Variants in UPK1B observed in about 807,000 individuals in gnomAD.
UPK1B encodes uroplakin 1B, also known as uroplakin-1b.
A neutral mutation model predicts 34.2 loss-of-function variants in UPK1B; 28 were observed. The observed-to-expected ratio is 0.82, with a 90% CI of 0.61 to 1.12. The LOEUF is 1.12. Among genes scored for constraint, UPK1B ranks in the 50% most tolerant of loss-of-function variants. The pLI is 0.00. For missense variants in UPK1B, 325 were observed against 320.9 expected (o/e 1.01, Z -0.10); for synonymous variants, 81 against 110.4 (o/e 0.73, Z 1.67).
intron 1 of UPK1B, among the ~76,000 whole-genome samples, chr3:119,181,316 A>T (rs1224773061): frequency 6.6e-6 from 1 of 152,180 alleles, no homozygotes; most frequent in Non-Finnish European, 1.5e-5. Flanking sequence ...TGTATCAAAA[A>T]AATAATAATA....
chr3:119,181,303 C>T (rs1210009881), intron 1 of UPK1B, among the ~76,000 whole-genome samples: 1 of 152,022 alleles, frequency 6.6e-6, no homozygotes, highest in Non-Finnish European at 1.5e-5. Context: ...GAAAATGTTG[C>T]TCTGTATCAA....
In UPK1B at chr3:119,186,773, T is replaced by C; in HGVS notation, c.32T>C (p.Phe11Ser). The stretch of plus-strand genomic sequence containing the variant: ...AAAGACAACTCAACTGTTCGTTGCT[T>C]CCAGGGCCTGCTGATTTTTGGAAAT... MAKDNSTVRC[F>S]QGLLIFGNVI... Residue 11 changes from phenylalanine to serine, a missense_variant, in exon 2 of 8, where the codon TTC becomes TCC. Coordinates refer to ENST00000264234, the MANE Select transcript of UPK1B (RefSeq NM_006952.4). The C allele has an allele frequency of 6.2e-7, 1 of 1,614,176 alleles. No homozygotes were observed. The highest frequency in any genetic ancestry group is 8.5e-7 in the Non-Finnish European group (1 of 1,180,018).
intron 7 of UPK1B, among the ~76,000 whole-genome samples, chr3:119,203,169 C>T (rs995162133): frequency 5.3e-5 from 8 of 151,676 alleles, no homozygotes; most frequent in African/African-American, 1.2e-4. Flanking sequence ...GGTGAAACCC[C>T]GTCTCTACTA....
chr3:119,179,045 AAG>A lies in UPK1B; in HGVS notation c.-29+5418_-29+5419del, dbSNP rs1334039522. 3.3e-5 allele frequency among the ~76,000 whole-genome samples: 5 copies of A among 151,938 alleles called. 1 individual carries two copies. In the East Asian group the frequency reaches 9.6e-4, roughly 29 times the overall value. On this transcript the variant is annotated intron_variant, in intron 1 of 7. Coordinates refer to ENST00000264234, the MANE Select transcript of UPK1B (RefSeq NM_006952.4). ...AGATAGAACCAAAAGGAGATACATA[AAG>A]AGAGAGAGAGGCAACGTATGGTGGC...
intron 1 of UPK1B, among the ~76,000 whole-genome samples, chr3:119,182,038 T>C (rs1003086213): frequency 6.6e-6 from 1 of 152,228 alleles, no homozygotes; most frequent in African/African-American, 2.4e-5. Context: ...TGAGGCCCAA[T>C]GGCGAGTGTT....
At chr3:119,195,948 T>G (rs2078065367) in intron 6 of UPK1B, among the ~76,000 whole-genome samples, 1 of 152,042 alleles carries the variant, frequency 6.6e-6, no homozygotes, top group Non-Finnish European at 1.5e-5. Context: ...TTCTAACACG[T>G]TCCCTTACAG....
intron 6 of UPK1B, among the ~76,000 whole-genome samples, chr3:119,195,097 T>C (rs751668321): frequency 3.9e-5 from 6 of 152,234 alleles, no homozygotes; most frequent in Non-Finnish European, 8.8e-5. Context: ...GTAGAGATAC[T>C]AATAAATACC....
intron 1 of UPK1B, among the ~76,000 whole-genome samples, chr3:119,183,145 T>C (rs1036490501): frequency 2.0e-5 from 3 of 152,242 alleles, no homozygotes; most frequent in African/African-American, 4.8e-5. Context: ...AGCAAGACTT[T>C]ATAAACTGTA....
chr3:119,183,681 T>C (rs1177287059), intron 1 of UPK1B, among the ~76,000 whole-genome samples: 2 of 152,214 alleles, frequency 1.3e-5, no homozygotes, highest in Non-Finnish European at 2.9e-5. Context: ...TCCAGAACTG[T>C]AAGATACATT....
At chr3:119,185,948 C>G (rs1193026038) in intron 1 of UPK1B, among the ~76,000 whole-genome samples, 1 of 152,176 alleles carries the variant, frequency 6.6e-6, no homozygotes, top group Non-Finnish European at 1.5e-5. Context: ...CACGTGGACT[C>G]TGGAGTCACA....
At chr3:119,189,515 C>G (rs987052653) in intron 3 of UPK1B, among the ~76,000 whole-genome samples, 2 of 152,274 alleles carry the variant, frequency 1.3e-5, no homozygotes, top group Non-Finnish European at 2.9e-5. Flanking sequence ...AATAGCATCA[C>G]TGTCATGTGG....
chr3:119,176,380 C>A (rs1363959324), intron 1 of UPK1B, among the ~76,000 whole-genome samples: 3 of 152,116 alleles, frequency 2.0e-5, no homozygotes. Context: ...TTAGACCTTT[C>A]AATGTGTCTG....
intron 1 of UPK1B, among the ~76,000 whole-genome samples, chr3:119,175,544 C>T (rs2077953184): frequency 1.4e-5 from 2 of 147,246 alleles, no homozygotes; most frequent in African/African-American, 2.5e-5. Flanking sequence ...CCCTCCCCCC[C>T]GCCCCAAGGA....
intron 4 of UPK1B, 80 bp from the exon 5 acceptor site, chr3:119,190,900 GAA>G (rs1247635000): frequency 1.3e-6 from 2 of 1,570,826 alleles, no homozygotes; most frequent in African/African-American, 2.7e-5. Context: ...GTGTCCCCAG[GAA>G]AAGACAGAGA....
chr3:119,194,851 C>T (rs925709294), intron 6 of UPK1B, among the ~76,000 whole-genome samples: 1 of 152,166 alleles, frequency 6.6e-6, no homozygotes, highest in Non-Finnish European at 1.5e-5. Flanking sequence ...TAAAGTAGGA[C>T]AGTCTTAATA....
chr3:119,178,095 T>A (rs527765950), intron 1 of UPK1B, among the ~76,000 whole-genome samples: 1 of 116,408 alleles, frequency 8.6e-6, no homozygotes, highest in Non-Finnish European at 1.8e-5. Flanking sequence ...GTTGGGGGGG[T>A]GGGGCACGCA....
intron 1 of UPK1B, among the ~76,000 whole-genome samples, chr3:119,179,447 T>C (rs1162059013): frequency 7.6e-6 from 1 of 131,366 alleles, no homozygotes; most frequent in East Asian, 2.2e-4. Flanking sequence ...GGCTGACAAG[T>C]CCGAAATCTA....
At chr3:119,198,981 G>A in intron 6 of UPK1B, 76 bp from the exon 7 acceptor site, 1 of 1,529,454 alleles carries the variant, frequency 6.5e-7, no homozygotes, top group South Asian at 1.2e-5. Flanking sequence ...ATTCCAATAG[G>A]AACCTGCTTT....
At chr3:119,179,138 G>A (rs189441977) in intron 1 of UPK1B, among the ~76,000 whole-genome samples, 59 of 151,646 alleles carry the variant, frequency 3.9e-4, no homozygotes, top group African/African-American at 1.3e-3. Flanking sequence ...GACCAGCCTG[G>A]GCAACATGAT....
Sources: gnomAD v4.1 joint callset for allele counts (sites outside exome capture counted in the v4.1 genomes callset) on GRCh38, gnomAD v4.1.1 for gene constraint, MANE v1.5 for transcripts, NCBI Gene and HGNC (gene_info 2026-07-23, HGNC 2026-07-21) for gene names.